Variants in CBFA2T2 observed in about 807,000 individuals in gnomAD.
CBFA2T2 encodes CBFA2/RUNX1 partner transcriptional co-repressor 2.
A neutral mutation model predicts 62.2 loss-of-function variants in CBFA2T2; 11 were observed. The observed-to-expected ratio is 0.18, with a 90% CI of 0.11 to 0.29. CBFA2T2 has a LOEUF of 0.29. Among genes scored for constraint, CBFA2T2 ranks in the 10% least tolerant of loss-of-function variants. The pLI is 1.00. For missense variants in CBFA2T2, 592 were observed against 774.1 expected, an observed-to-expected ratio of 0.76 and a Z score of 2.79; for synonymous variants, 295 against 287.5, an observed-to-expected ratio of 1.03 and a Z score of -0.27.
intron 3 of CBFA2T2, among the ~76,000 whole-genome samples, chr20:33,615,605 C>T (rs1241391735): frequency 1.3e-5 from 2 of 152,032 alleles, no homozygotes; most frequent in Non-Finnish European, 2.9e-5. Context: ...AGCAAAAAGC[C>T]GTGGACTTTA....
chr20:33,634,670 CAAAAAAAAAA>C (rs758089440), intron 8 of CBFA2T2, among the ~76,000 whole-genome samples: 1,861 of 47,984 alleles, frequency 0.039, 47 homozygotes, highest in African/African-American at 0.088. Context: ...ACCCTATGTC[CAAAAAAAAAA>C]AAAAAAAAAA....
chr20:33,524,582 G>A (rs1215674902), intron 1 of CBFA2T2, among the ~76,000 whole-genome samples: 1 of 151,896 alleles, frequency 6.6e-6, no homozygotes, highest in Non-Finnish European at 1.5e-5. Context: ...AAATAATTTT[G>A]TTGCAATTTA....
rs2016647210 is a variant in CBFA2T2 at position 33,636,708 on chromosome 20, G to C, written c.1297G>C (p.Glu433Gln). The C allele has an allele frequency of 1.2e-6, 2 of 1,610,422 alleles. No individual in the cohort carries two copies. The highest frequency in any genetic ancestry group is 2.7e-5 in the African/African-American group (2 of 74,836). Residue 433 changes from glutamate to glutamine, a missense_variant and splice_region_variant, in exon 9 of 11, where the codon GAA becomes CAA. By Grantham distance (29) the Glu-to-Gln change is conservative (BLOSUM62 2). Transcript: ENST00000342704. Reference protein sequence around the residue: ...YVPVEFWKKTEEAVNKVKIQA... With the variant: ...YVPVEFWKKTQEAVNKVKIQA... ...ACCTGTGGAGTTTTGGAAAAAAACA[G>C]GTATGTGTCTGACTGCTTGTAGGTC...
intron 1 of CBFA2T2, among the ~76,000 whole-genome samples, chr20:33,601,319 C>T (rs2015125334): frequency 6.6e-6 from 1 of 152,116 alleles, no homozygotes; most frequent in Non-Finnish European, 1.5e-5. Context: ...GACTGGAGTG[C>T]AGTGGTGCGG....
At chr20:33,622,355 G>C (rs1302806338) in intron 4 of CBFA2T2, among the ~76,000 whole-genome samples, 3 of 151,946 alleles carry the variant, frequency 2.0e-5, no homozygotes, top group African/African-American at 7.3e-5. Flanking sequence ...CTGTCCCTTG[G>C]GATTAAGCCT....
intron 1 of CBFA2T2, among the ~76,000 whole-genome samples, chr20:33,540,727 G>A (rs899726209): frequency 6.6e-6 from 1 of 152,152 alleles, no homozygotes; most frequent in African/African-American, 2.4e-5. Flanking sequence ...GTGTTAAAAA[G>A]CCATAGTAAA....
At chr20:33,517,536 G>A (rs922040852) in intron 1 of CBFA2T2, among the ~76,000 whole-genome samples, 1 of 148,356 alleles carries the variant, frequency 6.7e-6, no homozygotes, top group Non-Finnish European at 1.5e-5. Flanking sequence ...TGCAATCTCC[G>A]GCTCAATCAC....
chr20:33,548,604 A>G (rs1173564074), intron 1 of CBFA2T2, among the ~76,000 whole-genome samples: 1 of 152,148 alleles, frequency 6.6e-6, no homozygotes, highest in African/African-American at 2.4e-5. Context: ...AGCAATAAGT[A>G]TAGTTATCTT....
At position 33,559,777 on chromosome 20, in the gene CBFA2T2, C is replaced by T. The variant is rs1374617393; in HGVS notation, c.35-47179C>T. ...CTGGGATTACAGGCGTGAGCCATTG[C>T]GCCTGGCCAATTGTGGTCATTTTTT... On this transcript the variant is annotated intron_variant, in intron 1 of 10. Transcript: ENST00000342704. Among the ~76,000 whole-genome samples the T allele has an allele frequency of 5.3e-5, 8 of 152,172 alleles. No individual in the cohort carries two copies. In the East Asian group the frequency reaches 5.8e-4, roughly 11 times the overall value.
rs2017142817 is a variant in CBFA2T2, at chr20:33,648,799, A to G, written c.*4153A>G. 6.6e-6 allele frequency: 1 copy of G among 152,226 alleles called. No homozygotes were observed. Among genetic ancestry groups the G allele is most frequent in the South Asian group, 2.1e-4 (1 of 4,828 alleles). The allele number at this position is 152,226 out of a possible 1,614,324, so 9.4% of individuals were successfully genotyped here. A position where few individuals can be genotyped will look rare whatever the true frequency, so the allele number is the denominator to read the frequency against. On this transcript the variant is annotated 3_prime_UTR_variant, in exon 11 of 11. Coordinates refer to ENST00000342704, the MANE Select transcript of CBFA2T2 (RefSeq NM_001032999.3). ...GCCAGAAGGTCACCAGGAGTTCATC[A>G]CTGCTTAGTGTCAACTTGACATCTT...
chr20:33,555,763 T>C (rs2012880025), intron 1 of CBFA2T2, among the ~76,000 whole-genome samples: 1 of 152,240 alleles, frequency 6.6e-6, no homozygotes, highest in African/African-American at 2.4e-5. Context: ...ATTTCAATAA[T>C]GTCTTTTATA....
chr20:33,583,799 G>A (rs1487411739), intron 1 of CBFA2T2, among the ~76,000 whole-genome samples: 1 of 152,148 alleles, frequency 6.6e-6, no homozygotes, highest in Non-Finnish European at 1.5e-5. Flanking sequence ...TCAAAATCCT[G>A]TAAGCACTTT....
At position 33,634,557 on chromosome 20, in the gene CBFA2T2, G is replaced by A. The variant is rs561259727; in HGVS notation, c.1229-2083G>A. Among the ~76,000 whole-genome samples the A allele has an allele frequency of 4.0e-5, 6 of 151,456 alleles. No homozygotes were observed. The East Asian group carries it at 1.2e-3, about 30-fold the overall frequency. ...TGTGGTGGTATGTGCCTATAGTCCG[G>A]CTACTTGGGAAGCTGAGGTAGGAGG... is the stretch of plus-strand genomic sequence containing the variant. On this transcript the variant is annotated intron_variant, in intron 8 of 10. Transcript: ENST00000342704.
chr20:33,502,959 C>T (rs1488510703), intron 1 of CBFA2T2, among the ~76,000 whole-genome samples: 1 of 149,826 alleles, frequency 6.7e-6, no homozygotes, highest in African/African-American at 2.4e-5. Flanking sequence ...GGCTTGGTGG[C>T]GGGCATCTGT....
chr20:33,644,159 G>A (rs1368183231), intron 10 of CBFA2T2, among the ~76,000 whole-genome samples, 188 bp from the exon 11 acceptor site: 1 of 152,066 alleles, frequency 6.6e-6, no homozygotes, highest in African/African-American at 2.4e-5. Flanking sequence ...TACAGATGAA[G>A]GAAACTCAGA....
intron 10 of CBFA2T2, among the ~76,000 whole-genome samples, chr20:33,643,077 C>T (rs1226797393): frequency 6.6e-6 from 1 of 152,174 alleles, no homozygotes; most frequent in East Asian, 1.9e-4. Flanking sequence ...GCTAGAATAT[C>T]CTTGTTGAAA....
intron 1 of CBFA2T2, among the ~76,000 whole-genome samples, chr20:33,587,499 C>A (rs1350902940): frequency 6.6e-6 from 1 of 152,020 alleles, no homozygotes; most frequent in Non-Finnish European, 1.5e-5. Context: ...ATCTTCTGAC[C>A]TCGTGATCCG....
intron 1 of CBFA2T2, among the ~76,000 whole-genome samples, chr20:33,510,242 G>A (rs543682793): frequency 2.0e-5 from 3 of 146,698 alleles, no homozygotes; most frequent in South Asian, 2.2e-4. Flanking sequence ...ACAGAGTCTC[G>A]CTCTGTCGCC....
chr20:33,580,062 C>T (rs1330459096), intron 1 of CBFA2T2, among the ~76,000 whole-genome samples: 2 of 152,080 alleles, frequency 1.3e-5, no homozygotes, highest in African/African-American at 4.8e-5. Context: ...GGTGATCCAT[C>T]CGCCTCGGCC....
Sources: gnomAD v4.1 joint callset for allele counts (sites outside exome capture counted in the v4.1 genomes callset) on GRCh38, gnomAD v4.1.1 for gene constraint, MANE v1.5 for transcripts, NCBI Gene and HGNC (gene_info 2026-07-23, HGNC 2026-07-21) for gene names.